The following PRDM13 variants were observed in gnomAD, a reference collection of about 807,000 sequenced individuals.
PRDM13 encodes PR domain zinc finger protein 13.
PRDM13 carries 15 observed loss-of-function variants against 36.4 expected under a neutral mutation model. That is an observed-to-expected ratio of 0.41 (90% CI 0.28 to 0.64). PRDM13 has a LOEUF of 0.64. Ranked by LOEUF, PRDM13 falls within the 30% of genes least tolerant of loss-of-function variation. The pLI is 0.29. For synonymous variants in PRDM13, 531 were observed against 467.7 expected (o/e 1.14, Z -1.75); for missense variants, 1,044 against 1,013.5 (o/e 1.03, Z -0.41).
chr6:99,613,771 G>A lies in PRDM13; in HGVS notation c.1136G>A (p.Gly379Asp), dbSNP rs1024077628. 3 of 1,494,214 alleles carry A rather than the reference G, an allele frequency of 2.0e-6. No individual in the cohort carries two copies. Among genetic ancestry groups the A allele is most frequent in the Non-Finnish European group, 2.7e-6 (3 of 1,129,212 alleles). The allele number at this position is 1,494,214 out of a possible 1,614,324, so 92.6% of individuals were successfully genotyped here. A position where few individuals can be genotyped will look rare whatever the true frequency, so the allele number is the denominator to read the frequency against. Reference protein sequence around the residue: ...AGDPPPPPPPGLPCSGALRGF... With the variant: ...AGDPPPPPPPDLPCSGALRGF... ...GACCCGCCGCCGCCGCCGCCGCCTG[G>A]CCTGCCCTGCTCTGGGGCCCTGCGC... The change falls in exon 4 of 4, where the codon GGC becomes GAC. Residue 379 changes from glycine to aspartate, a missense_variant. By Grantham distance (94) the Gly-to-Asp change is moderately conservative. Transcript: ENST00000369215. The surrounding 1 kb of genome is among the most constrained non-coding windows in gnomAD (Gnocchi z 6.1).
chr6:99,610,520 T>G (rs1403233646), intron 3 of PRDM13, among the ~76,000 whole-genome samples: 1 of 152,252 alleles, frequency 6.6e-6, no homozygotes, highest in African/African-American at 2.4e-5. Context: ...AATACAAGTA[T>G]GTGAATTAGG....
intron 3 of PRDM13, 99 bp from the exon 4 acceptor site, chr6:99,612,934 T>C (rs1050464845): frequency 7.8e-6 from 12 of 1,538,814 alleles, no homozygotes; most frequent in Non-Finnish European, 9.6e-6. Context: ...CCCACACCGC[T>C]AGTCGAAACT....
chr6:99,608,911 C>A, intron 2 of PRDM13, 39 bp downstream of exon 2: 1 of 1,590,466 alleles, frequency 6.3e-7, no homozygotes, highest in Non-Finnish European at 8.6e-7. Context: ...CACTCCCCAC[C>A]GCCAATTCAG....
rs1770080579 is a variant in PRDM13 at position 99,613,851 on chromosome 6, G to T, written c.1216G>T (p.Glu406Ter). 1 of 1,509,036 alleles carries T rather than the reference G, an allele frequency of 6.6e-7. No individual in the cohort carries two copies. Among genetic ancestry groups the T allele is most frequent in the South Asian group, 1.2e-5 (1 of 80,940 alleles). 93.5% of individuals were successfully genotyped at this position (1,509,036 alleles called of 1,614,324 possible). Residue 406 changes from glutamate to a stop codon, truncating the protein, a stop_gained, in exon 4 of 4, where the codon GAG becomes TAG. Coordinates refer to ENST00000369215, the MANE Select transcript of PRDM13 (RefSeq NM_021620.4). LOFTEE classifies it high-confidence loss of function. This position sits in a 1 kb window ranked among gnomAD's most constrained non-coding sequence, Gnocchi z 6.1. The stretch of plus-strand genomic sequence containing the variant: ...AGAGGCGTCCGCCTTCAAGCACGTG[G>T]AGCGCGCCCCGCCCGCAGCCGCCGC... ...PEEASAFKHV[E>*]RAPPAAAALP... is the part of the protein sequence containing the mutation.
Position 99,613,306 on chromosome 6 carries a change from G to T in PRDM13, c.671G>T (p.Arg224Leu). The T allele has an allele frequency of 1.3e-6, 2 of 1,570,926 alleles. No individual in the cohort carries two copies. Among genetic ancestry groups the T allele is most frequent in the South Asian group, 2.3e-5 (2 of 86,688 alleles). ...CCACCAGTTCAGGCCTGCGGTGCGCGGGAGGGCATCAAGCGCGAGGCCTCT... is the reference window on the plus strand; with the variant it reads ...CCACCAGTTCAGGCCTGCGGTGCGCTGGAGGGCATCAAGCGCGAGGCCTCT... ...GPPPVQACGA[R>L]EGIKREASSA... The change falls in exon 4 of 4, where the codon CGG (arginine) becomes CTG (leucine). Residue 224 changes from arginine to leucine, a missense_variant. Physicochemically the swap from Arg to Leu is moderately radical, Grantham distance 102. Around this residue, in one of 3 missense-constraint regions of PRDM13, gnomAD observed 921 missense variants for 865.2 expected, o/e 1.06. Transcript: ENST00000369215. This position sits in a 1 kb window ranked among gnomAD's most constrained non-coding sequence, Gnocchi z 6.1.
Position 99,607,173 on chromosome 6 carries a change from A to G in PRDM13, c.139A>G (p.Lys47Glu). Reference protein sequence around the residue: ...LSDRREPGPKKKVRMVRGELV... With the variant: ...LSDRREPGPKEKVRMVRGELV... The stretch of plus-strand genomic sequence containing the variant: ...AGACCGCAGGGAGCCCGGGCCTAAG[A>G]AAAAGGTATTGACCATTCAGACCTC... The change falls in exon 1 of 4, where the codon AAA becomes GAA. Residue 47 changes from lysine to glutamate, a missense_variant. This residue lies in a region of PRDM13 where 921 missense variants were observed against 865.2 expected (regional missense o/e 1.06). Transcript: ENST00000369215. The G allele has an allele frequency of 6.2e-7, 1 of 1,613,674 alleles. No homozygotes were observed. The highest frequency in any genetic ancestry group is 8.5e-7 in the Non-Finnish European group (1 of 1,179,964).
rs1770088143 is a variant in PRDM13 at position 99,614,121 on chromosome 6, A to G, written c.1486A>G (p.Ile496Val). 6.3e-7 allele frequency: 1 copy of G among 1,599,140 alleles called. No homozygotes were observed. Among genetic ancestry groups the G allele is most frequent in the Non-Finnish European group, 8.5e-7 (1 of 1,174,312 alleles). ...FGGLLKYPES[I>V]SYFSGPAAAA... The stretch of plus-strand genomic sequence containing the variant: ...CGGGCTGCTGAAGTATCCGGAGTCC[A>G]TCTCCTACTTCAGCGGGCCTGCAGC... The change falls in exon 4 of 4, where the codon ATC (isoleucine) becomes GTC (valine). Residue 496 changes from isoleucine (I) to valine (V), a missense_variant. Ile to Val is a conservative substitution (Grantham distance 29). Coordinates refer to ENST00000369215, the MANE Select transcript of PRDM13 (RefSeq NM_021620.4).
chr6:99,606,852 G>C lies in PRDM13; in HGVS notation c.-183G>C. The C allele has an allele frequency of 3.9e-6, 3 of 761,034 alleles. No homozygotes were observed. In the East Asian group the frequency reaches 8.9e-5, roughly 23 times the overall value. 47.1% of individuals were successfully genotyped at this position (761,034 alleles called of 1,614,324 possible). ...CACCAAACTCCGCGCCCTTGCGCTAGCGGTGCCAAAAGGCTCCCGCCCCGA... is the reference window on the plus strand; with the variant it reads ...CACCAAACTCCGCGCCCTTGCGCTACCGGTGCCAAAAGGCTCCCGCCCCGA... On this transcript the variant is annotated 5_prime_UTR_variant, in exon 1 of 4. Coordinates refer to ENST00000369215, the MANE Select transcript of PRDM13 (RefSeq NM_021620.4).
chr6:99,611,979 A>G (rs1388201613), intron 3 of PRDM13, among the ~76,000 whole-genome samples: 2 of 152,338 alleles, frequency 1.3e-5, no homozygotes, highest in Non-Finnish European at 2.9e-5. Context: ...AATGTCTCAT[A>G]TATGTGTCTC....
In PRDM13 at chr6:99,613,038, G is replaced by A; in HGVS notation, c.403G>A (p.Glu135Lys). 6.2e-7 allele frequency: 1 copy of A among 1,613,594 alleles called. No individual in the cohort carries two copies. Among genetic ancestry groups the A allele is most frequent in the South Asian group, 1.1e-5 (1 of 91,046 alleles). The change falls in exon 4 of 4, where the codon GAG becomes AAG. Residue 135 changes from glutamate to lysine, a missense_variant. Around this residue, in one of 3 missense-constraint regions of PRDM13, gnomAD observed 921 missense variants for 865.2 expected, o/e 1.06. Coordinates refer to ENST00000369215, the MANE Select transcript of PRDM13 (RefSeq NM_021620.4). The surrounding 1 kb of genome is among the most constrained non-coding windows in gnomAD (Gnocchi z 6.1). ...ATPTHDEKGE[E>K]RYICWYCWRT... ...TTCCATTCTTTCTTGCCCAGGGGAG[G>A]AGCGCTACATCTGCTGGTACTGCTG...
Position 99,613,353 on chromosome 6 carries a change from C to G in PRDM13, c.718C>G (p.Pro240Ala). 6.5e-7 allele frequency: 1 copy of G among 1,548,352 alleles called. No individual in the cohort carries two copies. Among genetic ancestry groups the G allele is most frequent in the Non-Finnish European group, 8.7e-7 (1 of 1,152,872 alleles). ...CTCTTCCGCGCCCTCGGCCACCTCG[C>G]CGACCCCAGGCAAGTGGGGGCAGCC... ...EASSAPSATS[P>A]TPGKWGQPKK... is the part of the protein sequence containing the mutation. Residue 240 changes from proline to alanine, a missense_variant, in exon 4 of 4, where the codon CCG becomes GCG. Transcript: ENST00000369215. This position sits in a 1 kb window ranked among gnomAD's most constrained non-coding sequence, Gnocchi z 6.1.
chr6:99,608,085 T>G (rs768496160), intron 1 of PRDM13, among the ~76,000 whole-genome samples: 3 of 152,232 alleles, frequency 2.0e-5, no homozygotes, highest in Non-Finnish European at 2.9e-5. Context: ...AAAGCTCCGG[T>G]GTCCAGCCAG....
At position 99,614,278 on chromosome 6, in the gene PRDM13, C is replaced by T. The variant is rs762785578; in HGVS notation, c.1643C>T (p.Pro548Leu). ...CGCCTGGACTCGGGGACGTTGCCAC[C>T]GGCCGTCGCGGCGGCGGGAGGCACC... ...RGRLDSGTLP[P>L]AVAAAGGTGG... Residue 548 changes from proline (P) to leucine (L), a missense_variant, in exon 4 of 4, where the codon CCG becomes CTG. Pro to Leu is a moderately conservative substitution (Grantham distance 98). This residue lies in a region of PRDM13 where 921 missense variants were observed against 865.2 expected (regional missense o/e 1.06). Coordinates refer to ENST00000369215, the MANE Select transcript of PRDM13 (RefSeq NM_021620.4). The T allele has an allele frequency of 1.9e-6, 3 of 1,605,880 alleles. No individual in the cohort carries two copies. The highest frequency in any genetic ancestry group is 2.5e-6 in the Non-Finnish European group (3 of 1,176,654).
At position 99,608,940 on chromosome 6, in the gene PRDM13, C is replaced by A. The variant is rs1209833612; in HGVS notation, c.276+68C>A. Reference sequence around the variant, plus strand: ...AATTCAGTCTACCTAACCGTCCCTGCGGTGGCCAAAAATATTAAGAGCAAA... The same window carrying A: ...AATTCAGTCTACCTAACCGTCCCTGAGGTGGCCAAAAATATTAAGAGCAAA... On this transcript the variant is annotated intron_variant, in intron 2 of 3. Coordinates refer to ENST00000369215, the MANE Select transcript of PRDM13 (RefSeq NM_021620.4). 5 of 1,545,512 alleles carry A rather than the reference C, an allele frequency of 3.2e-6. No homozygotes were observed. The East Asian group carries it at 9.0e-5, about 28-fold the overall frequency.
chr6:99,613,679 C>G lies in PRDM13; in HGVS notation c.1044C>G (p.Gly348=). ...RPGSGENSAA[G]GAGHHHHHHA... Reference sequence around the variant, plus strand: ...GGAGCGGGGAGAACTCGGCGGCGGGCGGCGCGGGTCACCACCATCACCACC... The same window carrying G: ...GGAGCGGGGAGAACTCGGCGGCGGGGGGCGCGGGTCACCACCATCACCACC... The change falls in exon 4 of 4, where the codon GGC becomes GGG. Residue 348 remains glycine, a synonymous_variant. Transcript: ENST00000369215. This position sits in a 1 kb window ranked among gnomAD's most constrained non-coding sequence, Gnocchi z 6.1. 1 of 1,423,656 alleles carries G rather than the reference C, an allele frequency of 7.0e-7. No homozygotes were observed. The allele number at this position is 1,423,656 out of a possible 1,614,324, so 88.2% of individuals were successfully genotyped here.
chr6:99,612,770 A>G (rs970443124), intron 3 of PRDM13, among the ~76,000 whole-genome samples: 2 of 152,150 alleles, frequency 1.3e-5, no homozygotes, highest in African/African-American at 2.4e-5. Context: ...TTTTGCTCGG[A>G]TGGCCTGGAG....
chr6:99,607,461 C>A (rs541081330), intron 1 of PRDM13, among the ~76,000 whole-genome samples: 1 of 152,240 alleles, frequency 6.6e-6, no homozygotes, highest in African/African-American at 2.4e-5. Flanking sequence ...GTGTTTTCCC[C>A]TGCGCTCTCG....
At position 99,613,932 on chromosome 6, in the gene PRDM13, C is replaced by G; in HGVS notation, c.1297C>G (p.Arg433Gly). The G allele has an allele frequency of 4.4e-6, 7 of 1,587,762 alleles. No individual in the cohort carries two copies. The highest frequency in any genetic ancestry group is 2.3e-5 in the South Asian group (2 of 88,570). Residue 433 changes from arginine to glycine, a missense_variant, in exon 4 of 4, where the codon CGC (arginine) becomes GGC (glycine). By Grantham distance (125) the Arg-to-Gly change is moderately radical (BLOSUM62 -2). This residue lies in a region of PRDM13 where 921 missense variants were observed against 865.2 expected (regional missense o/e 1.06). Coordinates refer to ENST00000369215, the MANE Select transcript of PRDM13 (RefSeq NM_021620.4). The surrounding 1 kb of genome is among the most constrained non-coding windows in gnomAD (Gnocchi z 6.1). ...CCCTGCGCCGGGGTTGCCCCTCGAG[C>G]GCTGCGCGCTGCCGCCCCTCGACCC... ...LPPAPGLPLE[R>G]CALPPLDPGG...
chr6:99,615,345 C>A lies in PRDM13; in HGVS notation c.*586C>A. 6.5e-6 allele frequency: 1 copy of A among 152,868 alleles called. No homozygotes were observed. The highest frequency in any genetic ancestry group is 1.5e-5 in the Non-Finnish European group (1 of 68,166). The allele number at this position is 152,868 out of a possible 1,614,324, so 9.5% of individuals were successfully genotyped here. A position where few individuals can be genotyped will look rare whatever the true frequency, so the allele number is the denominator to read the frequency against. On this transcript the variant is annotated 3_prime_UTR_variant, in exon 4 of 4. Coordinates refer to ENST00000369215, the MANE Select transcript of PRDM13 (RefSeq NM_021620.4). ...AGTGGTAGCAGGTGTACAAATTGGTCAAGTTGCAATTATTTATGAGAAAAT... is the reference window on the plus strand; with the variant it reads ...AGTGGTAGCAGGTGTACAAATTGGTAAAGTTGCAATTATTTATGAGAAAAT...
Sources: allele counts gnomAD v4.1 joint callset (sites outside exome capture counted in the v4.1 genomes callset), GRCh38; gene constraint gnomAD v4.1.1; regional missense constraint gnomAD v4.1.1; non-coding constraint Gnocchi (gnomAD v3.1); transcripts MANE v1.5; gene names NCBI Gene and HGNC (gene_info 2026-07-23, HGNC 2026-07-21).